PCDHGA12: variants seen among roughly 807,000 people sequenced by gnomAD.
The protein encoded by PCDHGA12 is protocadherin gamma-A12.
PCDHGA12 carries 43 observed loss-of-function variants against 61.1 expected under a neutral mutation model. The observed-to-expected ratio is 0.70, with a 90% confidence interval of 0.55 to 0.91. PCDHGA12 has a LOEUF of 0.91. PCDHGA12 is among the 40% of genes least tolerant of loss of function. PCDHGA12 has a pLI of 0.00. For synonymous variants in PCDHGA12, 520 were observed against 542.9 expected, an observed-to-expected ratio of 0.96 and a Z score of 0.59; for missense variants, 1,236 against 1,227.7, an observed-to-expected ratio of 1.01 and a Z score of -0.10.
In PCDHGA12 at chr5:141,502,866, C is replaced by CT. The variant is rs549047197; in HGVS notation, c.2484-2513dup. ...GAGCTGCCTAACCCTGACTCTCTGT[C>CT]TTTTTTTTTTTTTTGACAGGGAGTC... On this transcript the variant is annotated intron_variant, in intron 2 of 3. Transcript: ENST00000252085. Among the ~76,000 whole-genome samples, 1,216 of 127,988 alleles carry CT rather than the reference C, an allele frequency of 9.5e-3. 34 individuals are homozygous for CT. Among genetic ancestry groups the CT allele is most frequent in the Non-Finnish European group, 0.015 (955 of 62,394 alleles). The allele number at this position is 127,988 out of a possible 152,430, so 84.0% of individuals were successfully genotyped here.
chr5:141,480,837 G>T (rs1435750544), intron 1 of PCDHGA12, among the ~76,000 whole-genome samples: 2 of 152,168 alleles, frequency 1.3e-5, no homozygotes, highest in African/African-American at 4.8e-5. Flanking sequence ...ATAAGATCAG[G>T]AGTTTGAGAC....
At chr5:141,483,064 A>G (rs1245942485) in intron 1 of PCDHGA12, among the ~76,000 whole-genome samples, 2 of 152,142 alleles carry the variant, frequency 1.3e-5, no homozygotes, top group Non-Finnish European at 2.9e-5. Context: ...CAGCATGGGC[A>G]ACAGAGAGAG....
intron 3 of PCDHGA12, among the ~76,000 whole-genome samples, chr5:141,509,722 C>A (rs919655821): frequency 5.9e-5 from 9 of 152,140 alleles, no homozygotes; most frequent in African/African-American, 2.2e-4. Flanking sequence ...CTGATGTCAC[C>A]TAGCTGTGGC....
chr5:141,437,156 G>T (rs2097864365), intron 1 of PCDHGA12, among the ~76,000 whole-genome samples: 1 of 152,172 alleles, frequency 6.6e-6, no homozygotes, highest in African/African-American at 2.4e-5. Context: ...TAACATATGT[G>T]TTGATTGTTT....
At chr5:141,438,749 C>T (rs1238134451) in intron 1 of PCDHGA12, among the ~76,000 whole-genome samples, 3 of 149,226 alleles carry the variant, frequency 2.0e-5, no homozygotes, top group African/African-American at 4.9e-5. Context: ...GCAACCTCTG[C>T]CTCCTGGGTT....
chr5:141,499,260 G>T (rs2099790657), intron 2 of PCDHGA12, among the ~76,000 whole-genome samples: 1 of 152,028 alleles, frequency 6.6e-6, no homozygotes, highest in African/African-American at 2.4e-5. Context: ...GTCTCCATTT[G>T]GTCCCTAGAC....
chr5:141,478,617 G>A (rs1010415342), intron 1 of PCDHGA12: 1 of 1,556,398 alleles, frequency 6.4e-7, no homozygotes, highest in Non-Finnish European at 8.7e-7. Context: ...AGGAAGGAAT[G>A]GAGCTGTTTT....
At chr5:141,450,608 T>A (rs916441293) in intron 1 of PCDHGA12, among the ~76,000 whole-genome samples, 1 of 151,894 alleles carries the variant, frequency 6.6e-6, no homozygotes, top group East Asian at 1.9e-4. Flanking sequence ...TGCCTCAGCC[T>A]CCTGAGTAGC....
At position 141,485,227 on chromosome 5, in the gene PCDHGA12, G is replaced by C. The variant is rs2099609828; in HGVS notation, c.2425-9580G>C. 1 of 1,614,186 alleles carries C rather than the reference G, an allele frequency of 6.2e-7. No individual in the cohort carries two copies. Among genetic ancestry groups the C allele is most frequent in the Non-Finnish European group, 8.5e-7 (1 of 1,180,020 alleles). On this transcript the variant is annotated intron_variant, in intron 1 of 3. Transcript: ENST00000252085. The surrounding 1 kb of genome is among the most constrained non-coding windows in gnomAD (Gnocchi z 5.7). The stretch of plus-strand genomic sequence containing the variant: ...AAATCTGGCGGTGGGCTACCCTTTT[G>C]TTCCTCTTTTACCACCTGGGTTACG...
chr5:141,471,786 A>AT (rs531568169), intron 1 of PCDHGA12, among the ~76,000 whole-genome samples: 23 of 152,362 alleles, frequency 1.5e-4, no homozygotes, highest in African/African-American at 5.5e-4. Flanking sequence ...ACATTATGCT[A>AT]TGTCATATAA....
Position 141,490,389 on chromosome 5 carries a change from T to C in PCDHGA12, c.2425-4418T>C, listed in dbSNP as rs1221410350. The C allele has an allele frequency of 6.2e-7, 1 of 1,614,174 alleles. No homozygotes were observed. Among genetic ancestry groups the C allele is most frequent in the African/African-American group, 1.3e-5 (1 of 75,040 alleles). On this transcript the variant is annotated intron_variant, in intron 1 of 3. Transcript: ENST00000252085. The surrounding 1 kb of genome is among the most constrained non-coding windows in gnomAD (Gnocchi z 5.4). The stretch of plus-strand genomic sequence containing the variant: ...GAGACCGGGACTCAGGTAGAAATGG[T>C]GAAGTGAGCCTTGATATCTCTCCGG...
chr5:141,456,735 C>T (rs568353480), intron 1 of PCDHGA12, among the ~76,000 whole-genome samples: 8 of 152,216 alleles, frequency 5.3e-5, no homozygotes, highest in East Asian at 3.9e-4. Context: ...GAGGCTGAGG[C>T]GGGAGCATCA....
chr5:141,458,249 GCT>G (rs1291613361), intron 1 of PCDHGA12, among the ~76,000 whole-genome samples: 1 of 152,136 alleles, frequency 6.6e-6, no homozygotes, highest in African/African-American at 2.4e-5. Flanking sequence ...AAATGATACG[GCT>G]CTGATGAGTG....
chr5:141,433,397 A>ATCTG (rs1179042498), intron 1 of PCDHGA12, among the ~76,000 whole-genome samples: 9 of 150,410 alleles, frequency 6.0e-5, no homozygotes, highest in Non-Finnish European at 1.0e-4. Context: ...CTATCTATCT[A>ATCTG]TCTATCTATT....
chr5:141,497,492 C>G (rs954582026), intron 2 of PCDHGA12, among the ~76,000 whole-genome samples: 1 of 151,628 alleles, frequency 6.6e-6, no homozygotes, highest in Non-Finnish European at 1.5e-5. Flanking sequence ...ACCTCTCTCT[C>G]TCTCCTCTCT....
Position 141,485,447 on chromosome 5 carries a change from C to G in PCDHGA12, c.2425-9360C>G, listed in dbSNP as rs1233800346. 6.2e-7 allele frequency: 1 copy of G among 1,614,144 alleles called. No individual in the cohort carries two copies. The highest frequency in any genetic ancestry group is 8.5e-7 in the Non-Finnish European group (1 of 1,180,036). On this transcript the variant is annotated intron_variant, in intron 1 of 3. Transcript: ENST00000252085. This position sits in a 1 kb window ranked among gnomAD's most constrained non-coding sequence, Gnocchi z 5.7. ...CCTGCTCATCAAGAACCCAATCGAC[C>G]GAGAGGCACTGTGTGGGCTCAGTGC... is the stretch of plus-strand genomic sequence containing the variant.
At chr5:141,510,378 C>T (rs919650449) in intron 3 of PCDHGA12, among the ~76,000 whole-genome samples, 1 of 151,688 alleles carries the variant, frequency 6.6e-6, no homozygotes, top group African/African-American at 2.4e-5. Flanking sequence ...TCTACTCGTG[C>T]CAGGCCTTGC....
At position 141,485,287 on chromosome 5, in the gene PCDHGA12, G is replaced by A. The variant is rs1396496143; in HGVS notation, c.2425-9520G>A. 5.0e-6 allele frequency: 8 copies of A among 1,614,064 alleles called. No individual in the cohort carries two copies. The highest frequency in any genetic ancestry group is 6.8e-6 in the Non-Finnish European group (8 of 1,180,002). On this transcript the variant is annotated intron_variant, in intron 1 of 3. Transcript: ENST00000252085. The surrounding 1 kb of genome is among the most constrained non-coding windows in gnomAD (Gnocchi z 5.7). ...AGATCCGCTACCCGGTCCCAGAGGA[G>A]TCACAGGAAGGGACTTTTGTAGGGA...
Position 141,489,624 on chromosome 5 carries a change from C to T in PCDHGA12, c.2425-5183C>T. 1 of 1,614,088 alleles carries T rather than the reference C, an allele frequency of 6.2e-7. No homozygotes were observed. On this transcript the variant is annotated intron_variant, in intron 1 of 3. Transcript: ENST00000252085. The surrounding 1 kb of genome is among the most constrained non-coding windows in gnomAD (Gnocchi z 4.5). Reference sequence around the variant, plus strand: ...AGGTAGAGATCCTGGATCTCAATGACAACTCTCCTAGCTTTGCCACCCCTG... The same window carrying T: ...AGGTAGAGATCCTGGATCTCAATGATAACTCTCCTAGCTTTGCCACCCCTG...
Sources: gnomAD v4.1 joint callset for allele counts (sites outside exome capture counted in the v4.1 genomes callset) on GRCh38, gnomAD v4.1.1 for gene constraint, Gnocchi (gnomAD v3.1) non-coding constraint, MANE v1.5 for transcripts, NCBI Gene and HGNC (gene_info 2026-07-23, HGNC 2026-07-21) for gene names.